FBLN1: variants seen among roughly 807,000 people sequenced by gnomAD.
FBLN1 encodes fibulin 1.
Under a neutral mutation model 89.7 loss-of-function variants are expected in FBLN1, and 34 were observed. The ratio of observed to expected loss-of-function variants is 0.38; its 90% CI spans 0.29 to 0.50. FBLN1 has a LOEUF of 0.50. FBLN1 is among the 20% of genes least tolerant of loss of function. The pLI, the probability that FBLN1 is intolerant of heterozygous loss-of-function variation, is 0.92. For synonymous variants in FBLN1, 393 were observed against 391.3 expected (o/e 1.00, Z -0.05); for missense variants, 777 against 988.1 (o/e 0.79, Z 2.86).
intron 1 of FBLN1, among the ~76,000 whole-genome samples, chr22:45,517,001 G>T (rs1188538476): frequency 6.6e-6 from 1 of 152,226 alleles, no homozygotes; most frequent in African/African-American, 2.4e-5. Context: ...GCTGAGAACG[G>T]GATGGAGCAT....
rs573843635 is a variant in FBLN1, at chr22:45,545,856, G to C, written c.1322-1229G>C. On this transcript the variant is annotated intron_variant, in intron 11 of 16. Transcript: ENST00000327858. The surrounding 1 kb of genome is among the most constrained non-coding windows in gnomAD (Gnocchi z 5.9). ...AAGTGGCCAGAGGACCATGGTAAAA[G>C]AATGAGTGTGGCAGGGCACAGTGGC... Among the ~76,000 whole-genome samples the C allele has an allele frequency of 6.6e-6, 1 of 152,320 alleles. No individual in the cohort carries two copies. Among genetic ancestry groups the C allele is most frequent in the African/African-American group, 2.4e-5 (1 of 41,574 alleles).
At chr22:45,555,189 CCACAAGAAGT>C (rs967188343) in intron 14 of FBLN1, among the ~76,000 whole-genome samples, 7 of 150,712 alleles carry the variant, frequency 4.6e-5, no homozygotes, top group African/African-American at 1.7e-4. Flanking sequence ...TCTGTCTCCA[CCACAAGAAGT>C]TTGGACCTGT....
In FBLN1 at chr22:45,597,232, GGCTTGTGATCTGCCCGCCTAA is replaced by G. The variant is rs1366608605; in HGVS notation, c.1973-3072_1973-3052del. 6.6e-6 allele frequency among the ~76,000 whole-genome samples: 1 copy of G among 152,124 alleles called. No homozygotes were observed. Among genetic ancestry groups the G allele is most frequent in the African/African-American group, 2.4e-5 (1 of 41,412 alleles). ...TGCCCACGCTGGTCTCGAACTCATG[GGCTTGTGATCTGCCCGCCTAA>G]GCCTCCCAAAGTGCTGGGATTACAA... On this transcript the variant is annotated intron_variant, in intron 16 of 16. Coordinates refer to ENST00000327858, the MANE Select transcript of FBLN1 (RefSeq NM_006486.3). This position sits in a 1 kb window ranked among gnomAD's most constrained non-coding sequence, Gnocchi z 4.2.
At chr22:45,547,275 T>C in intron 12 of FBLN1, 71 bp downstream of exon 12, 13 of 1,597,542 alleles carry the variant, frequency 8.1e-6, no homozygotes, top group Non-Finnish European at 1.1e-5. Flanking sequence ...GCACGGCCTC[T>C]GACTTTCAAA....
chr22:45,513,171 G>A, intron 1 of FBLN1, among the ~76,000 whole-genome samples: 1 of 152,102 alleles, frequency 6.6e-6, no homozygotes. Flanking sequence ...GTAAGTCAAC[G>A]GGCAAAGCAT....
intron 1 of FBLN1, among the ~76,000 whole-genome samples, chr22:45,508,262 A>G (rs1455828749): frequency 7.0e-6 from 1 of 142,980 alleles, no homozygotes. Flanking sequence ...ACCCCTCACC[A>G]GCACACTGGA....
intron 16 of FBLN1, among the ~76,000 whole-genome samples, chr22:45,589,848 C>A (rs1168685862): frequency 2.6e-5 from 4 of 151,870 alleles, no homozygotes; most frequent in Non-Finnish European, 4.4e-5. Flanking sequence ...AGAGCACCCT[C>A]CCATCGCCCT....
intron 14 of FBLN1, among the ~76,000 whole-genome samples, chr22:45,564,709 G>A (rs1275126194): frequency 6.6e-6 from 1 of 152,232 alleles, no homozygotes; most frequent in African/African-American, 2.4e-5. Flanking sequence ...AAGGCTCTGT[G>A]AAGGCAGGGA....
At chr22:45,592,576 C>T (rs986331913) in intron 16 of FBLN1, among the ~76,000 whole-genome samples, 10 of 152,210 alleles carry the variant, frequency 6.6e-5, no homozygotes, top group African/African-American at 1.9e-4. Flanking sequence ...GATCCACCCA[C>T]CTTGGCCTCC....
intron 14 of FBLN1, among the ~76,000 whole-genome samples, chr22:45,567,385 G>A (rs945778820): frequency 7.2e-5 from 11 of 152,246 alleles, no homozygotes. Context: ...GGAGGCCAAG[G>A]CAGGCAGACC....
rs569131553 is a variant in FBLN1 at position 45,568,581 on chromosome 22, G to GC, written c.1698-5929dup. On this transcript the variant is annotated intron_variant, in intron 14 of 16. Transcript: ENST00000327858. ...GGGCATGCTCCTTCTGTAGGAGAATGCTCCTGTAGGGGAATGCTCCTTCTG... is the reference window on the plus strand; with the variant it reads ...GGGCATGCTCCTTCTGTAGGAGAATGCCTCCTGTAGGGGAATGCTCCTTCTG... Among the ~76,000 whole-genome samples, 836 of 111,322 alleles carry GC rather than the reference G, an allele frequency of 7.5e-3. 291 individuals are homozygous for GC. The highest frequency in any genetic ancestry group is 0.026 in the Middle Eastern group (5 of 192). 73.0% of individuals were successfully genotyped at this position (111,322 alleles called of 152,430 possible).
Position 45,537,804 on chromosome 22 carries a change from A to C in FBLN1, c.922+2467A>C, listed in dbSNP as rs1348853803. On this transcript the variant is annotated intron_variant, in intron 8 of 16. Coordinates refer to ENST00000327858, the MANE Select transcript of FBLN1 (RefSeq NM_006486.3). The surrounding 1 kb of genome is among the most constrained non-coding windows in gnomAD (Gnocchi z 5.7). The stretch of plus-strand genomic sequence containing the variant: ...CCTCGCCAGTCCCTTGCCAGCAGGG[A>C]GGGGTGGTTTTCGCTCAGCGCAGGG... Among the ~76,000 whole-genome samples the C allele has an allele frequency of 6.6e-6, 1 of 151,952 alleles. No individual in the cohort carries two copies. The highest frequency in any genetic ancestry group is 1.5e-5 in the Non-Finnish European group (1 of 67,970).
At position 45,530,815 on chromosome 22, in the gene FBLN1, G is replaced by A. The variant is rs1288999027; in HGVS notation, c.485-450G>A. ...TCTCGCTCTTGTTGCCCAGGCTGGA[G>A]TGCAATGGTGTGATCTTGACTCACT... On this transcript the variant is annotated intron_variant, in intron 4 of 16. Coordinates refer to ENST00000327858, the MANE Select transcript of FBLN1 (RefSeq NM_006486.3). This position sits in a 1 kb window ranked among gnomAD's most constrained non-coding sequence, Gnocchi z 5.4. Among the ~76,000 whole-genome samples, 1 of 152,060 alleles carries A rather than the reference G, an allele frequency of 6.6e-6. No homozygotes were observed. Among genetic ancestry groups the A allele is most frequent in the Non-Finnish European group, 1.5e-5 (1 of 68,024 alleles).
chr22:45,555,307 A>G (rs2088774689), intron 14 of FBLN1, among the ~76,000 whole-genome samples: 2 of 148,040 alleles, frequency 1.4e-5, no homozygotes, highest in Non-Finnish European at 3.0e-5. Flanking sequence ...GAATATATAT[A>G]TGGAATATAT....
rs968826340 is a variant in FBLN1 at position 45,574,426 on chromosome 22, C to T, written c.1698-85C>T. On this transcript the variant is annotated intron_variant, in intron 14 of 16. Transcript: ENST00000327858. This position sits in a 1 kb window ranked among gnomAD's most constrained non-coding sequence, Gnocchi z 4.1. ...GGACAGATGCCCCTGCCCTGGCCAC[C>T]TGCTCCTCCTCCCTAGACCTCGGCC... 8.6e-6 allele frequency: 13 copies of T among 1,507,002 alleles called. No homozygotes were observed. The Admixed American group carries it at 1.2e-4, about 14-fold the overall frequency. The allele number at this position is 1,507,002 out of a possible 1,614,324, so 93.4% of individuals were successfully genotyped here. A position where few individuals can be genotyped will look rare whatever the true frequency, so the allele number is the denominator to read the frequency against.
intron 12 of FBLN1, 106 bp downstream of exon 12, chr22:45,547,310 AT>A: frequency 1.5e-6 from 2 of 1,364,286 alleles, no homozygotes; most frequent in Non-Finnish European, 2.0e-6. Context: ...GCCTGCTGGG[AT>A]TTCTTCACCT....
chr22:45,541,249 A>G lies in FBLN1; in HGVS notation c.943A>G (p.Ile315Val). 1.2e-6 allele frequency: 2 copies of G among 1,614,222 alleles called. No individual in the cohort carries two copies. Among genetic ancestry groups the G allele is most frequent in the Non-Finnish European group, 1.7e-6 (2 of 1,180,024 alleles). Residue 315 changes from isoleucine (I) to valine (V), a missense_variant, in exon 9 of 17, where the codon ATC becomes GTC. Physicochemically the swap from Ile to Val is conservative, Grantham distance 29. Transcript: ENST00000327858. The part of the protein sequence containing the change: ...NCIDINECLS[I>V]SAPCPIGHTC... ...TGTAGATATCAATGAGTGTTTGAGTATCAGTGCCCCGTGCCCTATCGGGCA... is the reference window on the plus strand; with the variant it reads ...TGTAGATATCAATGAGTGTTTGAGTGTCAGTGCCCCGTGCCCTATCGGGCA...
chr22:45,520,101 C>T (rs1292207349), intron 2 of FBLN1, among the ~76,000 whole-genome samples: 2 of 152,136 alleles, frequency 1.3e-5, no homozygotes, highest in Admixed American at 1.3e-4. Context: ...ACCCGGGAAG[C>T]GGAGGTTGCA....
In FBLN1 at chr22:45,550,445, C is replaced by T; in HGVS notation, c.1574-47C>T. The T allele has an allele frequency of 6.2e-7, 1 of 1,612,938 alleles. No individual in the cohort carries two copies. Among genetic ancestry groups the T allele is most frequent in the East Asian group, 2.2e-5 (1 of 44,882 alleles). On this transcript the variant is annotated intron_variant, in intron 13 of 16. Transcript: ENST00000327858. This position sits in a 1 kb window ranked among gnomAD's most constrained non-coding sequence, Gnocchi z 8.4. ...CTCCTCCGTCTCCAGATGGGTATGG[C>T]TCCTGCAGCCTCTGCCTTCACTGTG...
Sources: gnomAD v4.1 joint callset for allele counts (sites outside exome capture counted in the v4.1 genomes callset) on GRCh38, gnomAD v4.1.1 for gene constraint, Gnocchi (gnomAD v3.1) non-coding constraint, MANE v1.5 for transcripts, NCBI Gene and HGNC (gene_info 2026-07-23, HGNC 2026-07-21) for gene names.